Variants in NEGR1 observed in about 807,000 individuals in gnomAD.
NEGR1 encodes the protein IgLON family member 4.
A neutral mutation model predicts 40.9 loss-of-function variants in NEGR1; 10 were observed. The observed-to-expected ratio is 0.24, with a 90% CI of 0.15 to 0.42. The LOEUF (loss-of-function observed/expected upper bound fraction) is 0.42, where lower values mean the gene tolerates loss of function less well. Among genes scored for constraint, NEGR1 ranks in the 10% least tolerant of loss-of-function variants. The pLI is 1.00. For missense variants in NEGR1, 352 were observed against 438.9 expected (o/e 0.80, Z 1.77); for synonymous variants, 185 against 166.8 (o/e 1.11, Z -0.84).
chr1:71,609,510 G>A (rs549753601), intron 5 of NEGR1, among the ~76,000 whole-genome samples: 2 of 20,656 alleles, frequency 9.7e-5, no homozygotes, highest in South Asian at 2.0e-3. Flanking sequence ...CCAAGACTCC[G>A]TCTCAAAAAA....
chr1:71,798,597 G>A (rs923735655), intron 2 of NEGR1, among the ~76,000 whole-genome samples: 3 of 152,008 alleles, frequency 2.0e-5, no homozygotes, highest in Non-Finnish European at 4.4e-5. Flanking sequence ...TTGCTGATGG[G>A]GCGACTAAGG....
intron 4 of NEGR1, among the ~76,000 whole-genome samples, chr1:71,657,706 T>C (rs1651921485): frequency 1.3e-5 from 2 of 152,206 alleles, no homozygotes; most frequent in Non-Finnish European, 1.5e-5. Context: ...ACTTTACATA[T>C]GCCAGTTTTG....
intron 1 of NEGR1, among the ~76,000 whole-genome samples, chr1:72,143,922 T>C (rs919251343): frequency 1.2e-3 from 100 of 83,318 alleles, no homozygotes; most frequent in African/African-American, 3.7e-3. Context: ...ATAATATATA[T>C]ATATATATAT....
intron 6 of NEGR1, among the ~76,000 whole-genome samples, chr1:71,412,602 A>T (rs1313185048): frequency 6.6e-6 from 1 of 152,160 alleles, no homozygotes; most frequent in Non-Finnish European, 1.5e-5. Flanking sequence ...CAAATTCAAG[A>T]CCATTTTGAT....
chr1:71,632,118 ATAC>A (rs1650988372), intron 4 of NEGR1, among the ~76,000 whole-genome samples: 1 of 151,794 alleles, frequency 6.6e-6, no homozygotes, highest in Admixed American at 6.6e-5. Flanking sequence ...TATTGCATAA[ATAC>A]TACTATCACT....
intron 1 of NEGR1, among the ~76,000 whole-genome samples, chr1:72,039,318 A>G (rs1646931654): frequency 6.6e-6 from 1 of 152,114 alleles, no homozygotes; most frequent in Admixed American, 6.6e-5. Context: ...ATGTGGGCAT[A>G]TAAGTGTTTC....
intron 6 of NEGR1, among the ~76,000 whole-genome samples, chr1:71,567,442 CTTTAA>C (rs899614353): frequency 2.1e-4 from 32 of 152,076 alleles, no homozygotes; most frequent in African/African-American, 7.0e-4. Flanking sequence ...ATTACCTATA[CTTTAA>C]TTTAATAGCC....
chr1:72,012,945 G>A (rs966846515), intron 1 of NEGR1, among the ~76,000 whole-genome samples: 3 of 149,200 alleles, frequency 2.0e-5, no homozygotes, highest in Non-Finnish European at 3.0e-5. Flanking sequence ...AGCTTCTGAA[G>A]GTTTGCTGAA....
At chr1:71,776,116 G>A in intron 3 of NEGR1, 56 bp downstream of exon 3, 1 of 1,363,654 alleles carries the variant, frequency 7.3e-7, no homozygotes, top group Non-Finnish European at 9.8e-7. Context: ...TGAGGTTAGT[G>A]AGGTTACAGG....
At chr1:71,716,410 A>G (rs1246307117) in intron 3 of NEGR1, among the ~76,000 whole-genome samples, 1 of 152,122 alleles carries the variant, frequency 6.6e-6, no homozygotes, top group African/African-American at 2.4e-5. Context: ...TGAAATTTCA[A>G]TTTTACCCCA....
At chr1:71,418,766 T>C (rs1171877594) in intron 6 of NEGR1, among the ~76,000 whole-genome samples, 1 of 152,198 alleles carries the variant, frequency 6.6e-6, no homozygotes, top group Non-Finnish European at 1.5e-5. Context: ...GGTACTTGCT[T>C]CCTCACCTAG....
At chr1:71,422,438 A>G (rs1021779579) in intron 6 of NEGR1, 2 of 152,224 alleles carry the variant, frequency 1.3e-5, no homozygotes, top group African/African-American at 4.8e-5. Flanking sequence ...TCAATTTGTC[A>G]TAATCGTTTT....
intron 1 of NEGR1, among the ~76,000 whole-genome samples, chr1:72,281,116 A>G (rs1243759370): frequency 6.6e-6 from 1 of 152,192 alleles, no homozygotes; most frequent in Admixed American, 6.5e-5. Context: ...TTAATGACAA[A>G]CCACCTCAGA....
intron 1 of NEGR1, among the ~76,000 whole-genome samples, chr1:72,061,417 C>T (rs1452242775): frequency 1.3e-5 from 2 of 151,664 alleles, no homozygotes; most frequent in East Asian, 3.9e-4. Flanking sequence ...GGATTTTTTT[C>T]CAGAAATGCC....
At chr1:72,018,100 G>C (rs1223137968) in intron 1 of NEGR1, among the ~76,000 whole-genome samples, 1 of 152,110 alleles carries the variant, frequency 6.6e-6, no homozygotes, top group African/African-American at 2.4e-5. Flanking sequence ...GTTGATGAAT[G>C]AATTAGAGGT....
intron 2 of NEGR1, among the ~76,000 whole-genome samples, chr1:71,778,993 G>A (rs895416047): frequency 2.6e-5 from 4 of 152,040 alleles, no homozygotes; most frequent in African/African-American, 9.7e-5. Context: ...GGTGTGACAT[G>A]TCATTCTCAG....
chr1:71,688,347 T>TTATATATATATGATATATATATATAAA (rs1653118296), intron 4 of NEGR1, among the ~76,000 whole-genome samples: 4 of 100,710 alleles, frequency 4.0e-5, no homozygotes, highest in Admixed American at 1.2e-4. Flanking sequence ...GATAGATAGA[T>TTATATATATATGATATATATATATAAA]AGATAGATTA....
intron 2 of NEGR1, among the ~76,000 whole-genome samples, chr1:71,868,960 A>T (rs1238719401): frequency 1.3e-5 from 2 of 152,060 alleles, no homozygotes; most frequent in Non-Finnish European, 2.9e-5. Flanking sequence ...CATGATTTAC[A>T]ATGACCTCAA....
At chr1:71,780,040 CAAAAAAAAAAAAAAAAAAAAAAAAAA>C (rs57576840) in intron 2 of NEGR1, among the ~76,000 whole-genome samples, 2 of 99,734 alleles carry the variant, frequency 2.0e-5, no homozygotes, top group Admixed American at 1.2e-4. Flanking sequence ...ATAGGAAAAC[CAAAAAAAAAAAAAAAAAAAAAAAAAA>C]AAAAAGAAAA....
Sources: gnomAD v4.1 joint callset for allele counts (sites outside exome capture counted in the v4.1 genomes callset) on GRCh38, gnomAD v4.1.1 for gene constraint, MANE v1.5 for transcripts, NCBI Gene and HGNC (gene_info 2026-07-23, HGNC 2026-07-21) for gene names.